The following KDM4C variants were observed in gnomAD, a reference collection of about 807,000 sequenced individuals.
The protein encoded by KDM4C is lysine demethylase 4C, also known as lysine-specific demethylase 4C.
A neutral mutation model predicts 129.3 loss-of-function variants in KDM4C; 81 were observed. That is an observed-to-expected ratio of 0.63 (90% CI 0.52 to 0.75). The LOEUF (loss-of-function observed/expected upper bound fraction) is 0.75. Ranked by LOEUF, KDM4C falls within the 30% of genes least tolerant of loss-of-function variation. The pLI is 0.00. For synonymous variants in KDM4C, 573 were observed against 456.1 expected, an observed-to-expected ratio of 1.26 and a Z score of -3.26; for missense variants, 1,457 against 1,304.0, an observed-to-expected ratio of 1.12 and a Z score of -1.81.
At position 6,772,290 on chromosome 9, in the gene KDM4C, T is replaced by A. The variant is rs570147536; in HGVS notation, c.-18+14087T>A. Among the ~76,000 whole-genome samples, 4 of 150,144 alleles carry A rather than the reference T, an allele frequency of 2.7e-5. No homozygotes were observed. The East Asian group carries it at 8.0e-4, about 30-fold the overall frequency. ...TCAGCCTCCTGAGTAGCTGGGATTA[T>A]AGGTGCCTGCCACCATGCCTGGCTA... On this transcript the variant is annotated intron_variant, in intron 1 of 21. Coordinates refer to ENST00000381309, the MANE Select transcript of KDM4C (RefSeq NM_015061.6).
At chr9:6,827,942 C>G (rs1294453733) in intron 4 of KDM4C, among the ~76,000 whole-genome samples, 1 of 152,190 alleles carries the variant, frequency 6.6e-6, no homozygotes, top group Non-Finnish European at 1.5e-5. Context: ...TGATGGACAG[C>G]TTTATTGGTC....
intron 4 of KDM4C, among the ~76,000 whole-genome samples, chr9:6,821,793 C>G (rs980353904): frequency 4.6e-5 from 7 of 152,210 alleles, no homozygotes; most frequent in Admixed American, 2.0e-4. Flanking sequence ...TGCCACCACA[C>G]CTGTCTAATT....
intron 1 of KDM4C, among the ~76,000 whole-genome samples, chr9:6,752,298 A>T (rs1818097139): frequency 8.4e-6 from 1 of 119,118 alleles, no homozygotes; most frequent in Non-Finnish European, 1.6e-5. Context: ...GCGCCACTGC[A>T]CTCCAGCCTG....
chr9:7,010,319 A>G (rs554486787), intron 12 of KDM4C, among the ~76,000 whole-genome samples: 1 of 152,204 alleles, frequency 6.6e-6, no homozygotes, highest in African/African-American at 2.4e-5. Flanking sequence ...TAACAACAAC[A>G]ACCATGATAA....
At chr9:6,784,006 T>G (rs1303032866) in intron 1 of KDM4C, among the ~76,000 whole-genome samples, 1 of 152,170 alleles carries the variant, frequency 6.6e-6, no homozygotes, top group Admixed American at 6.5e-5. Context: ...TGGGAGAAAT[T>G]TGAGCATCTG....
At chr9:6,966,563 T>A (rs950692526) in intron 8 of KDM4C, among the ~76,000 whole-genome samples, 2 of 152,214 alleles carry the variant, frequency 1.3e-5, no homozygotes, top group African/African-American at 4.8e-5. Context: ...AGTAAAAATA[T>A]CTCTGTTTGT....
At chr9:7,095,092 G>T (rs994155347) in intron 17 of KDM4C, among the ~76,000 whole-genome samples, 4 of 152,320 alleles carry the variant, frequency 2.6e-5, no homozygotes, top group Admixed American at 2.6e-4. Flanking sequence ...CATCTAAACT[G>T]TTAAAAAATG....
At position 6,849,492 on chromosome 9, in the gene KDM4C, T is replaced by C. The variant is rs1564154875; in HGVS notation, c.436-15T>C. ...AAGATTTGATTTCTCTCTCTTTTTT[T>C]CTCTCTCATTCCAGGGTGTGGATGA... On this transcript the variant is annotated splice_polypyrimidine_tract_variant and intron_variant, in intron 4 of 21. Transcript: ENST00000381309. 3 of 1,516,304 alleles carry C rather than the reference T, an allele frequency of 2.0e-6. No homozygotes were observed. The highest frequency in any genetic ancestry group is 2.7e-6 in the Non-Finnish European group (3 of 1,123,726). 93.9% of individuals were successfully genotyped at this position (1,516,304 alleles called of 1,614,324 possible).
intron 4 of KDM4C, among the ~76,000 whole-genome samples, chr9:6,830,461 TAG>T (rs939064328): frequency 4.3e-4 from 65 of 152,164 alleles, no homozygotes; most frequent in African/African-American, 1.5e-3. Context: ...GGTGCAGAGT[TAG>T]AGTCATGAAT....
At chr9:6,778,810 G>A (rs1823661803) in intron 1 of KDM4C, among the ~76,000 whole-genome samples, 1 of 107,318 alleles carries the variant, frequency 9.3e-6, no homozygotes, top group East Asian at 2.2e-4. Context: ...GTGGAGATTT[G>A]GTGCCTTTTT....
chr9:6,991,822 G>A lies in KDM4C; in HGVS notation c.1786+1298G>A, dbSNP rs7868911. On this transcript the variant is annotated intron_variant, in intron 12 of 21. Coordinates refer to ENST00000381309, the MANE Select transcript of KDM4C (RefSeq NM_015061.6). Reference sequence around the variant, plus strand: ...AAGCAGAGGTGGGAGCATTGCTTGAGCTCAGGAGTTTAAGACCAGCCTGGG... The same window carrying A: ...AAGCAGAGGTGGGAGCATTGCTTGAACTCAGGAGTTTAAGACCAGCCTGGG... Among the ~76,000 whole-genome samples the A allele has an allele frequency of 4.2e-3, 645 of 151,880 alleles. 2 individuals carry two copies. The highest frequency in any genetic ancestry group is 0.015 in the African/African-American group (611 of 41,506).
intron 17 of KDM4C, among the ~76,000 whole-genome samples, chr9:7,092,099 T>C (rs990073481): frequency 2.0e-5 from 3 of 152,368 alleles, no homozygotes; most frequent in African/African-American, 7.2e-5. Context: ...TGATGTATTA[T>C]TACATTCTGC....
chr9:7,087,057 C>T (rs556793696), intron 17 of KDM4C, among the ~76,000 whole-genome samples: 1 of 149,886 alleles, frequency 6.7e-6, no homozygotes, highest in South Asian at 2.1e-4. Flanking sequence ...AGTAGGTGGA[C>T]AACAAGACTT....
chr9:6,966,371 A>C (rs1266018243), intron 8 of KDM4C, among the ~76,000 whole-genome samples: 1 of 151,898 alleles, frequency 6.6e-6, no homozygotes, highest in Non-Finnish European at 1.5e-5. Flanking sequence ...TTTAGTAGAG[A>C]CGGGGTTTCA....
At chr9:7,103,562 T>G in intron 17 of KDM4C, 123 bp from the exon 18 acceptor site, 1 of 758,956 alleles carries the variant, frequency 1.3e-6, no homozygotes, top group Non-Finnish European at 2.1e-6. Flanking sequence ...GGGTCAGGAC[T>G]TGTTGATGTA....
intron 3 of KDM4C, among the ~76,000 whole-genome samples, chr9:6,807,158 G>A (rs1269755655): frequency 5.3e-5 from 8 of 152,210 alleles, no homozygotes; most frequent in South Asian, 4.1e-4. Flanking sequence ...CCGAGGTGCC[G>A]GGATTGCAGA....
chr9:6,914,442 G>C (rs1027690685), intron 8 of KDM4C, among the ~76,000 whole-genome samples: 2 of 152,146 alleles, frequency 1.3e-5, no homozygotes, highest in African/African-American at 2.4e-5. Context: ...CTGGCTACTT[G>C]TAATACCGTT....
chr9:6,967,419 A>AC (rs1831184319), intron 8 of KDM4C, among the ~76,000 whole-genome samples: 1 of 109,234 alleles, frequency 9.2e-6, no homozygotes, highest in Non-Finnish European at 2.0e-5. Flanking sequence ...GCAAGCTTCC[A>AC]CTAAAAAAAA....
At chr9:7,009,262 G>T (rs1255778592) in intron 12 of KDM4C, among the ~76,000 whole-genome samples, 2 of 152,126 alleles carry the variant, frequency 1.3e-5, no homozygotes, top group Admixed American at 6.5e-5. Context: ...AAGTTCCACA[G>T]AGGGCTTCAC....
Sources: allele counts gnomAD v4.1 joint callset (sites outside exome capture counted in the v4.1 genomes callset), GRCh38; gene constraint gnomAD v4.1.1; transcripts MANE v1.5; gene names NCBI Gene and HGNC (gene_info 2026-07-23, HGNC 2026-07-21).